Variants in ASB7 observed in about 807,000 individuals in gnomAD.
The protein encoded by ASB7 is ankyrin repeat and SOCS box containing 7.
A neutral mutation model predicts 32.5 loss-of-function variants in ASB7; 4 were observed. The ratio of observed to expected loss-of-function variants is 0.12; its 90% CI spans 0.06 to 0.28. ASB7 has a LOEUF of 0.28. Among genes scored for constraint, ASB7 ranks in the 10% least tolerant of loss-of-function variants. The pLI is 1.00. For missense variants in ASB7, 181 were observed against 407.1 expected (o/e 0.44, Z 4.78); for synonymous variants, 172 against 155.6 (o/e 1.11, Z -0.78).
intron 2 of ASB7, among the ~76,000 whole-genome samples, chr15:100,607,624 C>T (rs1026623753): frequency 2.6e-5 from 4 of 152,070 alleles, no homozygotes; most frequent in Non-Finnish European, 4.4e-5. Context: ...TTGGTATTTT[C>T]AGAAAAGAGA....
intron 2 of ASB7, among the ~76,000 whole-genome samples, chr15:100,606,669 C>T (rs2141385099): frequency 6.6e-6 from 1 of 152,212 alleles, no homozygotes; most frequent in South Asian, 2.1e-4. Context: ...TTAATATGGT[C>T]AATAGTATTA....
intron 4 of ASB7, among the ~76,000 whole-genome samples, chr15:100,623,846 A>G (rs1316074987): frequency 6.6e-6 from 1 of 152,256 alleles, no homozygotes; most frequent in East Asian, 1.9e-4. Context: ...ACTACTGAGT[A>G]TCCAAAAGAA....
chr15:100,626,641 C>T (rs2039841147), intron 4 of ASB7, among the ~76,000 whole-genome samples: 1 of 152,124 alleles, frequency 6.6e-6, no homozygotes, highest in Non-Finnish European at 1.5e-5. Context: ...GTCTCTCTCT[C>T]TCTCTGTCTG....
At chr15:100,642,784 C>A (rs1210147493) in intron 5 of ASB7, among the ~76,000 whole-genome samples, 2 of 152,262 alleles carry the variant, frequency 1.3e-5, no homozygotes, top group African/African-American at 4.8e-5. Flanking sequence ...TGCCTGCCAT[C>A]CCAGCACCTT....
intron 4 of ASB7, among the ~76,000 whole-genome samples, chr15:100,618,342 T>C (rs549779637): frequency 6.6e-6 from 1 of 152,220 alleles, no homozygotes; most frequent in African/African-American, 2.4e-5. Flanking sequence ...CCCGAACTCC[T>C]GATCCCAAGT....
At chr15:100,612,651 T>A in intron 4 of ASB7, 1 of 574,098 alleles carries the variant, frequency 1.7e-6, no homozygotes, top group Non-Finnish European at 3.1e-6. Flanking sequence ...AACTGTAGTG[T>A]CTGTACAGCC....
intron 5 of ASB7, among the ~76,000 whole-genome samples, chr15:100,640,939 A>C (rs925853642): frequency 1.1e-4 from 17 of 152,310 alleles, no homozygotes; most frequent in Admixed American, 2.0e-4. Context: ...TTGAACTATT[A>C]TGTAATTCCA....
At chr15:100,623,263 C>G (rs1226056220) in intron 4 of ASB7, among the ~76,000 whole-genome samples, 3 of 151,988 alleles carry the variant, frequency 2.0e-5, no homozygotes, top group Non-Finnish European at 4.4e-5. Flanking sequence ...GCTGGGCCCA[C>G]GTGGTGGTGG....
intron 5 of ASB7, chr15:100,645,956 C>A: frequency 3.7e-6 from 2 of 547,128 alleles, no homozygotes; most frequent in South Asian, 3.5e-5. Flanking sequence ...CCCAACTGCT[C>A]TGTTTTCTGT....
chr15:100,604,522 C>G (rs764730311), intron 2 of ASB7, among the ~76,000 whole-genome samples: 2 of 152,086 alleles, frequency 1.3e-5, no homozygotes, highest in Non-Finnish European at 2.9e-5. Flanking sequence ...ACTTTCTGCC[C>G]TCCACAAAAA....
At chr15:100,646,833 T>C (rs1026665513) in intron 5 of ASB7, among the ~76,000 whole-genome samples, 1 of 152,228 alleles carries the variant, frequency 6.6e-6, no homozygotes, top group Admixed American at 6.5e-5. Flanking sequence ...ATTTTCATAA[T>C]AACACTGAGA....
chr15:100,641,533 T>C (rs1424594976), intron 5 of ASB7, among the ~76,000 whole-genome samples: 1 of 152,218 alleles, frequency 6.6e-6, no homozygotes, highest in East Asian at 1.9e-4. Flanking sequence ...TCACTTCATC[T>C]CTGCACATCT....
chr15:100,646,139 G>T, intron 5 of ASB7: 1 of 407,958 alleles, frequency 2.5e-6, no homozygotes, highest in South Asian at 2.0e-5. Context: ...TTGTTTCTCT[G>T]GACATTCCAC....
rs537390312 is a variant in ASB7, at chr15:100,632,126, G to A, written c.817+2084G>A. Among the ~76,000 whole-genome samples, 7 of 152,348 alleles carry A rather than the reference G, an allele frequency of 4.6e-5. No individual in the cohort carries two copies. The East Asian group carries it at 5.8e-4, about 13-fold the overall frequency. ...GGAATGTTGAGTTAAAGACTCACAT[G>A]CACTTTAAAATTTGAGCAGATAGAA... On this transcript the variant is annotated intron_variant, in intron 5 of 5. Transcript: ENST00000332783.
At chr15:100,606,456 A>G (rs898527951) in intron 2 of ASB7, among the ~76,000 whole-genome samples, 2 of 152,196 alleles carry the variant, frequency 1.3e-5, no homozygotes, top group African/African-American at 2.4e-5. Context: ...TTTGGGAAAT[A>G]TGGTCAAATT....
At chr15:100,616,080 G>A (rs568461544) in intron 4 of ASB7, among the ~76,000 whole-genome samples, 7 of 152,252 alleles carry the variant, frequency 4.6e-5, no homozygotes, top group Admixed American at 2.6e-4. Context: ...CTTACTGACC[G>A]GGCAGGATAG....
At chr15:100,618,612 CTGTGTGTGTGG>C (rs1444661009) in intron 4 of ASB7, among the ~76,000 whole-genome samples, 1 of 118,426 alleles carries the variant, frequency 8.4e-6, no homozygotes, top group Non-Finnish European at 2.0e-5. Context: ...TCTCACCCTG[CTGTGTGTGTGG>C]TGTGTGTGTG....
At chr15:100,606,089 T>A (rs2039642218) in intron 2 of ASB7, among the ~76,000 whole-genome samples, 1 of 152,204 alleles carries the variant, frequency 6.6e-6, no homozygotes, top group Non-Finnish European at 1.5e-5. Flanking sequence ...GTAGAGCTTG[T>A]GAACAGGCAT....
intron 5 of ASB7, among the ~76,000 whole-genome samples, chr15:100,635,719 C>G (rs890254227): frequency 1.3e-5 from 2 of 152,174 alleles, no homozygotes; most frequent in Non-Finnish European, 2.9e-5. Flanking sequence ...TTCTGATTCA[C>G]TCTCAGTCTT....
Sources: gnomAD v4.1 joint callset for allele counts (sites outside exome capture counted in the v4.1 genomes callset) on GRCh38, gnomAD v4.1.1 for gene constraint, MANE v1.5 for transcripts, NCBI Gene and HGNC (gene_info 2026-07-23, HGNC 2026-07-21) for gene names.